Variants in TRMT44 observed in about 807,000 individuals in gnomAD.
The protein encoded by TRMT44 is probable tRNA (uracil-O(2)-)-methyltransferase.
In TRMT44, 78 loss-of-function variants were observed where a neutral mutation model predicts 77.3. The observed-to-expected ratio is 1.01, with a 90% CI of 0.84 to 1.22. The LOEUF is 1.22. Ranked by LOEUF, TRMT44 falls within the 50% of genes most tolerant of loss-of-function variation. The pLI is 0.00. For synonymous variants in TRMT44, 391 were observed against 383.3 expected (o/e 1.02, Z -0.23); for missense variants, 1,090 against 964.4 (o/e 1.13, Z -1.73).
chr4:8,467,788 A>T lies in TRMT44; in HGVS notation c.1495-126A>T, dbSNP rs1664714170. On this transcript the variant is annotated intron_variant, in intron 8 of 10. Transcript: ENST00000389737. ...GTACCTGGCTGGTGTCAGTTTTTTA[A>T]ATCAGGATTTTTTCATGATAGACAT... 2.7e-6 allele frequency: 3 copies of T among 1,118,256 alleles called. No homozygotes were observed. In the South Asian group the frequency reaches 5.0e-5, roughly 19 times the overall value. The allele number at this position is 1,118,256 out of a possible 1,614,324, so 69.3% of individuals were successfully genotyped here.
chr4:8,471,312 C>G (rs1276769140), intron 10 of TRMT44, 112 bp downstream of exon 10: 2 of 769,896 alleles, frequency 2.6e-6, no homozygotes, highest in Admixed American at 3.2e-5. Context: ...CTGACAGAAG[C>G]AGCAAGTTCC....
intron 8 of TRMT44, among the ~76,000 whole-genome samples, chr4:8,467,522 A>G (rs961417881): frequency 1.2e-4 from 18 of 152,072 alleles, no homozygotes; most frequent in African/African-American, 4.1e-4. Context: ...TGCTCTTGTC[A>G]CCCAGGCTGG....
In TRMT44 at chr4:8,468,295, T is replaced by C. The variant is rs375156277; in HGVS notation, c.1876T>C (p.Leu626=). The change falls in exon 9 of 11, where the codon TTA becomes CTA. Residue 626 remains leucine (L), a synonymous_variant. Coordinates refer to ENST00000389737, the MANE Select transcript of TRMT44 (RefSeq NM_152544.3). ...GAATTTACTGTTAGGTGGAAAGCAA[T>C]TAAACACAAGAAGTTCTCGAAATGG... is the stretch of plus-strand genomic sequence containing the variant. ...VANLLLGGKQ[L]NTRSSRNGSL... The C allele has an allele frequency of 4.2e-5, 67 of 1,614,078 alleles. No homozygotes were observed. The highest frequency in any genetic ancestry group is 5.4e-5 in the Non-Finnish European group (64 of 1,180,046).
At chr4:8,488,675 A>T (rs539201510) in intron 2 of TRMT44, among the ~76,000 whole-genome samples, 20 of 152,306 alleles carry the variant, frequency 1.3e-4, no homozygotes, top group Admixed American at 9.8e-4. Flanking sequence ...GTCACAGGGG[A>T]TGCGATGGCT....
At chr4:8,464,131 T>C (rs1726363525) in intron 7 of TRMT44, 40 bp downstream of exon 7, 1 of 1,551,494 alleles carries the variant, frequency 6.4e-7, no homozygotes, top group Non-Finnish European at 8.9e-7. Flanking sequence ...GGCTGGGGAA[T>C]GCTTCATCTT....
At chr4:8,475,548 G>T (rs918822558) in intron 10 of TRMT44, among the ~76,000 whole-genome samples, 1 of 152,116 alleles carries the variant, frequency 6.6e-6, no homozygotes, top group African/African-American at 2.4e-5. Context: ...CTCACTTCCC[G>T]CAGGGCTCAC....
At chr4:8,487,366 G>A (rs1577067506) in intron 2 of TRMT44, among the ~76,000 whole-genome samples, 1 of 152,064 alleles carries the variant, frequency 6.6e-6, no homozygotes, top group South Asian at 2.1e-4. Flanking sequence ...GTAGAGACAA[G>A]GAGGGAAGGG....
At chr4:8,474,242 C>T (rs140214422) in intron 10 of TRMT44, among the ~76,000 whole-genome samples, 25 of 152,340 alleles carry the variant, frequency 1.6e-4, no homozygotes, top group Middle Eastern at 3.4e-3. Flanking sequence ...CCTGGGGCTC[C>T]TCCTGAGCAC....
intron 2 of TRMT44, among the ~76,000 whole-genome samples, chr4:8,491,332 G>A (rs1236912224): frequency 6.6e-6 from 1 of 152,250 alleles, no homozygotes; most frequent in Non-Finnish European, 1.5e-5. Context: ...AGACTCAGGA[G>A]CCCAGGTGGC....
At chr4:8,495,936 G>A (rs1261578447), downstream of TRMT44, among the ~76,000 whole-genome samples, 1 of 151,916 alleles carries the variant, frequency 6.6e-6, no homozygotes, top group Non-Finnish European at 1.5e-5. Flanking sequence ...GGTCGTGGGC[G>A]GGGCCTATTC....
chr4:8,441,086 A>G lies in TRMT44; in HGVS notation c.264A>G (p.Leu88=), dbSNP rs1292705533. 2 of 1,500,526 alleles carry G rather than the reference A, an allele frequency of 1.3e-6. No individual in the cohort carries two copies. The highest frequency in any genetic ancestry group is 1.8e-6 in the Non-Finnish European group (2 of 1,128,980). The allele number at this position is 1,500,526 out of a possible 1,614,324, so 93.0% of individuals were successfully genotyped here. A position where few individuals can be genotyped will look rare whatever the true frequency, so the allele number is the denominator to read the frequency against. The change falls in exon 1 of 11, where the codon CTA becomes CTG. Residue 88 remains leucine, a synonymous_variant. Coordinates refer to ENST00000389737, the MANE Select transcript of TRMT44 (RefSeq NM_152544.3). ...GAGGGGGCCCGGGTCCCAGGTCGCT[A>G]TCAGGACCCGAGCAGGGCACGGCAT... ...SPGGGPGPRS[L]SGPEQGTACC... is the part of the protein sequence containing the mutation.
intron 7 of TRMT44, 31 bp from the exon 8 acceptor site, chr4:8,465,347 T>C (rs1238430430): frequency 6.3e-7 from 1 of 1,588,658 alleles, no homozygotes; most frequent in African/African-American, 1.4e-5. Flanking sequence ...CTCAGGATGC[T>C]TGACCCTGTG....
intron 2 of TRMT44, among the ~76,000 whole-genome samples, chr4:8,482,807 G>A (rs1727665805): frequency 6.6e-6 from 1 of 151,560 alleles, no homozygotes; most frequent in Non-Finnish European, 1.5e-5. Context: ...AGTCACAGGG[G>A]ATGCGATGGC....
At chr4:8,470,851 CA>C (rs1726941423) in intron 9 of TRMT44, 1 of 433,522 alleles carries the variant, frequency 2.3e-6, no homozygotes, top group African/African-American at 2.0e-5. Flanking sequence ...GGGCATGGGG[CA>C]TGTGTGGGGC....
the TRMT44 span, among the ~76,000 whole-genome samples, chr4:8,503,513 G>A: frequency 6.6e-6 from 1 of 152,322 alleles, no homozygotes; most frequent in Admixed American, 6.5e-5. Flanking sequence ...CTCTGTTGTG[G>A]CCCCAGCCTG....
intron 1 of TRMT44, among the ~76,000 whole-genome samples, chr4:8,443,943 G>C (rs941635914): frequency 6.6e-6 from 1 of 150,526 alleles, no homozygotes; most frequent in African/African-American, 2.5e-5. Flanking sequence ...CTGGGCAGCA[G>C]ACGGGGACTC....
At chr4:8,487,013 G>C (rs980227800) in intron 2 of TRMT44, among the ~76,000 whole-genome samples, 21 of 151,944 alleles carry the variant, frequency 1.4e-4, no homozygotes, top group African/African-American at 4.8e-4. Context: ...AAGAAGGAAG[G>C]TTTGGGACGA....
At chr4:8,472,957 T>TG (rs1177378515) in intron 10 of TRMT44, among the ~76,000 whole-genome samples, 4 of 152,200 alleles carry the variant, frequency 2.6e-5, no homozygotes, top group Admixed American at 6.5e-5. Context: ...TCTGCTTGTA[T>TG]GTCAGTGTTT....
intron 3 of TRMT44, 61 bp downstream of exon 3, chr4:8,449,949 C>CTTTTCTTTTA: frequency 1.5e-4 from 35 of 238,682 alleles, no homozygotes; most frequent in Middle Eastern, 1.3e-3. Context: ...CTTTTCTTTT[C>CTTTTCTTTTA]TTTTTTTTTT....
Sources: gnomAD v4.1 joint callset for allele counts (sites outside exome capture counted in the v4.1 genomes callset) on GRCh38, gnomAD v4.1.1 for gene constraint, MANE v1.5 for transcripts, NCBI Gene and HGNC (gene_info 2026-07-23, HGNC 2026-07-21) for gene names.